GREM1: variants seen among roughly 807,000 people sequenced by gnomAD.
The protein encoded by GREM1 is gremlin-1.
A neutral mutation model predicts 13.1 loss-of-function variants in GREM1; 6 were observed. The observed-to-expected ratio is 0.46, with a 90% CI of 0.25 to 0.91. The LOEUF is 0.91. Ranked by LOEUF, GREM1 falls within the 40% of genes least tolerant of loss-of-function variation. The pLI, the probability that GREM1 is intolerant of heterozygous loss-of-function variation, is 0.18. For missense variants in GREM1, 185 were observed against 233.9 expected (o/e 0.79, Z 1.36); for synonymous variants, 98 against 93.7 (o/e 1.05, Z -0.27).
At position 32,733,454 on chromosome 15, in the gene GREM1, T is replaced by C. The variant is rs1595854491; in HGVS notation, c.*2209T>C. 8.6e-6 allele frequency: 2 copies of C among 231,362 alleles called. No individual in the cohort carries two copies. The highest frequency in any genetic ancestry group is 1.9e-5 in the Non-Finnish European group (2 of 107,406). 14.3% of individuals were successfully genotyped at this position (231,362 alleles called of 1,614,324 possible). ...AGATGACTTAAGTTGGCAGCAGTAA[T>C]CTTCTTTTAGGAGCTTGTACCACAG... On this transcript the variant is annotated 3_prime_UTR_variant, in exon 2 of 2. Transcript: ENST00000651154.
chr15:32,731,204 C>G lies in GREM1; in HGVS notation c.514C>G (p.Arg172Gly). ...ACCTACCAAGAAGAAGAGAGTCACA[C>G]GTGTGAAGCAGTGTCGTTGCATATC... ...QPPTKKKRVT[R>G]VKQCRCISID... Residue 172 changes from arginine to glycine, a missense_variant, in exon 2 of 2, where the codon CGT becomes GGT. By Grantham distance (125) the Arg-to-Gly change is moderately radical (BLOSUM62 -2). Coordinates refer to ENST00000651154, the MANE Select transcript of GREM1 (RefSeq NM_013372.7). 1 of 1,614,114 alleles carries G rather than the reference C, an allele frequency of 6.2e-7. No homozygotes were observed. Among genetic ancestry groups the G allele is most frequent in the Non-Finnish European group, 8.5e-7 (1 of 1,180,002 alleles).
intron 1 of GREM1, among the ~76,000 whole-genome samples, chr15:32,728,279 A>G (rs568998403): frequency 6.6e-6 from 1 of 152,160 alleles, no homozygotes; most frequent in Non-Finnish European, 1.5e-5. Context: ...GGTATAGTAT[A>G]AGTGCTTTTT....
intron 1 of GREM1, among the ~76,000 whole-genome samples, chr15:32,724,006 G>A (rs2055455555): frequency 6.6e-6 from 1 of 152,098 alleles, no homozygotes; most frequent in Non-Finnish European, 1.5e-5. Context: ...TGCGAAGAAT[G>A]GTACCTCTGT....
rs2055762861 is a variant in GREM1 at position 32,741,704 on chromosome 15, T to C, written c.*10459T>C. On this transcript the variant is annotated 3_prime_UTR_variant, in exon 2 of 2. Transcript: ENST00000651154. ...TTGCTTTAGCTAGGACTTCCAGCAC[T>C]AAATTGAATAGAAGTGATGAGAGTG... The C allele has an allele frequency of 6.6e-6, 1 of 152,190 alleles. No homozygotes were observed. The highest frequency in any genetic ancestry group is 1.5e-5 in the Non-Finnish European group (1 of 68,006). 9.4% of individuals were successfully genotyped at this position (152,190 alleles called of 1,614,324 possible).
rs1200866847 is a variant in GREM1 at position 32,732,612 on chromosome 15, T to G, written c.*1367T>G. On this transcript the variant is annotated 3_prime_UTR_variant, in exon 2 of 2. Coordinates refer to ENST00000651154, the MANE Select transcript of GREM1 (RefSeq NM_013372.7). ...TTTCTTTATGTGCTCACTGAGGATC[T>G]GAGGGGACCCTGTTAGGAGAGCATA... The G allele has an allele frequency of 4.1e-6, 1 of 244,970 alleles. No individual in the cohort carries two copies. The highest frequency in any genetic ancestry group is 8.6e-6 in the Non-Finnish European group (1 of 116,194). The allele number at this position is 244,970 out of a possible 1,614,324, so 15.2% of individuals were successfully genotyped here. A position where few individuals can be genotyped will look rare whatever the true frequency, so the allele number is the denominator to read the frequency against.
chr15:32,730,582 C>A, intron 1 of GREM1, 108 bp from the exon 2 acceptor site: 1 of 714,492 alleles, frequency 1.4e-6, no homozygotes, highest in Non-Finnish European at 2.3e-6. Context: ...GAATATTTCA[C>A]GTTAAGTGTT....
rs902892472 is a variant in GREM1, at chr15:32,732,638, G to T, written c.*1393G>T. 8.2e-5 allele frequency: 20 copies of T among 243,716 alleles called. No individual in the cohort carries two copies. The highest frequency in any genetic ancestry group is 1.3e-3 in the Middle Eastern group (1 of 762). 15.1% of individuals were successfully genotyped at this position (243,716 alleles called of 1,614,324 possible). A position where few individuals can be genotyped will look rare whatever the true frequency, so the allele number is the denominator to read the frequency against. ...GAGGGGACCCTGTTAGGAGAGCATAGCATCATGATGTATTAGCTGTTCATC... is the reference window on the plus strand; with the variant it reads ...GAGGGGACCCTGTTAGGAGAGCATATCATCATGATGTATTAGCTGTTCATC... On this transcript the variant is annotated 3_prime_UTR_variant, in exon 2 of 2. Transcript: ENST00000651154.
chr15:32,744,509 C>G lies in GREM1; in HGVS notation c.*13264C>G, dbSNP rs938080734. ...AATGGCGTGAACCCGGGAGACGGAG[C>G]TTGCAGTGAGCCGAGATCACGCCAC... is the stretch of plus-strand genomic sequence containing the variant. On this transcript the variant is annotated 3_prime_UTR_variant, in exon 2 of 2. Coordinates refer to ENST00000651154, the MANE Select transcript of GREM1 (RefSeq NM_013372.7). 3.4e-5 allele frequency: 5 copies of G among 147,248 alleles called. No individual in the cohort carries two copies. Among genetic ancestry groups the G allele is most frequent in the African/African-American group, 1.3e-4 (5 of 39,774 alleles). The allele number at this position is 147,248 out of a possible 1,614,324, so 9.1% of individuals were successfully genotyped here.
chr15:32,739,414 T>C lies in GREM1; in HGVS notation c.*8169T>C, dbSNP rs1199279408. The C allele has an allele frequency of 6.6e-6, 1 of 152,186 alleles. No individual in the cohort carries two copies. Among genetic ancestry groups the C allele is most frequent in the African/African-American group, 2.4e-5 (1 of 41,440 alleles). 9.4% of individuals were successfully genotyped at this position (152,186 alleles called of 1,614,324 possible). The stretch of plus-strand genomic sequence containing the variant: ...ACACCTTAGTCTGGTTGCAAACAGT[T>C]TAAATGAGAAAAGATAAGGCCTGAA... On this transcript the variant is annotated 3_prime_UTR_variant, in exon 2 of 2. Transcript: ENST00000651154.
Position 32,718,131 on chromosome 15 carries a change from C to T in GREM1, c.-32C>T. 1 of 1,297,956 alleles carries T rather than the reference C, an allele frequency of 7.7e-7. No homozygotes were observed. The highest frequency in any genetic ancestry group is 1.0e-6 in the Non-Finnish European group (1 of 998,284). 80.4% of individuals were successfully genotyped at this position (1,297,956 alleles called of 1,614,324 possible). A position where few individuals can be genotyped will look rare whatever the true frequency, so the allele number is the denominator to read the frequency against. On this transcript the variant is annotated 5_prime_UTR_variant, in exon 1 of 2. Transcript: ENST00000651154. ...CGCACTCAGCGCCACGCGTCGAAAG[C>T]GCAGGCCCCGAGGACCCGCCGCACT... is the stretch of plus-strand genomic sequence containing the variant.
In GREM1 at chr15:32,733,379, A is replaced by G. The variant is rs2055653576; in HGVS notation, c.*2134A>G. The G allele has an allele frequency of 4.4e-6, 1 of 226,684 alleles. No individual in the cohort carries two copies. The highest frequency in any genetic ancestry group is 2.3e-5 in the African/African-American group (1 of 44,274). The allele number at this position is 226,684 out of a possible 1,614,324, so 14.0% of individuals were successfully genotyped here. ...GACATTCAGAACCAGCAAACACTGA[A>G]TTTCTCTTGTTGTTTTAACTCTGCC... On this transcript the variant is annotated 3_prime_UTR_variant, in exon 2 of 2. Coordinates refer to ENST00000651154, the MANE Select transcript of GREM1 (RefSeq NM_013372.7).
intron 1 of GREM1, among the ~76,000 whole-genome samples, chr15:32,729,319 G>A (rs1237119384): frequency 1.3e-5 from 2 of 152,104 alleles, no homozygotes; most frequent in African/African-American, 2.4e-5. Flanking sequence ...GAGCCACTGC[G>A]CCCGGCCAAT....
Position 32,732,671 on chromosome 15 carries a change from G to A in GREM1, c.*1426G>A, listed in dbSNP as rs2055641675. 2.1e-5 allele frequency: 5 copies of A among 241,564 alleles called. No homozygotes were observed. The highest frequency in any genetic ancestry group is 3.5e-5 in the Non-Finnish European group (4 of 114,074). 15.0% of individuals were successfully genotyped at this position (241,564 alleles called of 1,614,324 possible). ...ATGTATTAGCTGTTCATCTGCTACT[G>A]GTTGGATGGACATAACTATTGTAAC... On this transcript the variant is annotated 3_prime_UTR_variant, in exon 2 of 2. Coordinates refer to ENST00000651154, the MANE Select transcript of GREM1 (RefSeq NM_013372.7).
intron 1 of GREM1, 148 bp downstream of exon 1, chr15:32,718,309 C>G: frequency 1.7e-6 from 1 of 600,492 alleles, no homozygotes; most frequent in Non-Finnish European, 2.9e-6. Context: ...TGTGAAGAAC[C>G]ATCGCGGGGT....
chr15:32,727,465 T>C (rs2055531933), intron 1 of GREM1, among the ~76,000 whole-genome samples: 1 of 152,126 alleles, frequency 6.6e-6, no homozygotes, highest in Non-Finnish European at 1.5e-5. Context: ...CTAAGAACTC[T>C]CAATAAACTA....
rs1009291460 is a variant in GREM1 at position 32,740,192 on chromosome 15, C to A, written c.*8947C>A. On this transcript the variant is annotated 3_prime_UTR_variant, in exon 2 of 2. Coordinates refer to ENST00000651154, the MANE Select transcript of GREM1 (RefSeq NM_013372.7). ...GTGACTGCTTTGTCTAATGTGCAGA[C>A]ACCAACACAAAGAGTCAAGGAAAAT... The A allele has an allele frequency of 6.6e-6, 1 of 152,184 alleles. No individual in the cohort carries two copies. Among genetic ancestry groups the A allele is most frequent in the East Asian group, 1.9e-4 (1 of 5,198 alleles). The allele number at this position is 152,184 out of a possible 1,614,324, so 9.4% of individuals were successfully genotyped here. A position where few individuals can be genotyped will look rare whatever the true frequency, so the allele number is the denominator to read the frequency against.
intron 1 of GREM1, among the ~76,000 whole-genome samples, chr15:32,725,903 C>T (rs757057587): frequency 6.6e-6 from 1 of 152,124 alleles, no homozygotes; most frequent in African/African-American, 2.4e-5. Flanking sequence ...AATCCTTTCC[C>T]CATTGCTTGT....
chr15:32,727,730 A>T (rs1425001648), intron 1 of GREM1, among the ~76,000 whole-genome samples: 1 of 152,216 alleles, frequency 6.6e-6, no homozygotes, highest in Non-Finnish European at 1.5e-5. Flanking sequence ...ATGATTGTAT[A>T]TTTAGAAAAC....
intron 1 of GREM1, among the ~76,000 whole-genome samples, chr15:32,729,307 G>A (rs1391980406): frequency 6.6e-6 from 1 of 152,158 alleles, no homozygotes; most frequent in Non-Finnish European, 1.5e-5. Flanking sequence ...GATTACAGGC[G>A]TGAGCCACTG....
Sources: allele counts gnomAD v4.1 joint callset (sites outside exome capture counted in the v4.1 genomes callset), GRCh38; gene constraint gnomAD v4.1.1; transcripts MANE v1.5; gene names NCBI Gene and HGNC (gene_info 2026-07-23, HGNC 2026-07-21).